Variants in DENND1A observed in about 807,000 individuals in gnomAD.
The protein encoded by DENND1A is DENN domain-containing protein 1A.
A neutral mutation model predicts 113.7 loss-of-function variants in DENND1A; 51 were observed. The ratio of observed to expected loss-of-function variants is 0.45; its 90% CI spans 0.36 to 0.57. The LOEUF is 0.57. Ranked by LOEUF, DENND1A falls within the 20% of genes least tolerant of loss-of-function variation. The pLI, the probability that DENND1A is intolerant of heterozygous loss-of-function variation, is 0.00. For synonymous variants in DENND1A, 565 were observed against 570.8 expected (o/e 0.99, Z 0.14); for missense variants, 1,258 against 1,395.9 (o/e 0.90, Z 1.57).
At chr9:123,808,318 C>G (rs1424443609) in intron 2 of DENND1A, among the ~76,000 whole-genome samples, 1 of 151,790 alleles carries the variant, frequency 6.6e-6, no homozygotes, top group East Asian at 1.9e-4. Context: ...TAGCATGCAT[C>G]AAAGTCACCT....
At chr9:123,733,050 C>T (rs770187524) in intron 5 of DENND1A, among the ~76,000 whole-genome samples, 1 of 147,954 alleles carries the variant, frequency 6.8e-6, no homozygotes, top group Admixed American at 6.7e-5. Context: ...GGCGCGATCT[C>T]GGCTCACCGC....
chr9:123,841,847 C>T (rs1841886572), intron 2 of DENND1A, among the ~76,000 whole-genome samples: 1 of 151,986 alleles, frequency 6.6e-6, no homozygotes, highest in South Asian at 2.1e-4. Flanking sequence ...GGCAGGTGAC[C>T]AGGATGAAGG....
chr9:123,495,492 C>T (rs1410264934), intron 13 of DENND1A, among the ~76,000 whole-genome samples: 1 of 152,136 alleles, frequency 6.6e-6, no homozygotes, highest in Non-Finnish European at 1.5e-5. Flanking sequence ...TACAAATGGC[C>T]ACTTTCTCCA....
At chr9:123,749,576 C>T (rs1288989885) in intron 5 of DENND1A, among the ~76,000 whole-genome samples, 1 of 152,180 alleles carries the variant, frequency 6.6e-6, no homozygotes, top group Admixed American at 6.5e-5. Context: ...ATGAAAATTA[C>T]ATAAACCAGC....
chr9:123,783,509 G>T (rs906126309), intron 3 of DENND1A, among the ~76,000 whole-genome samples: 3 of 152,164 alleles, frequency 2.0e-5, no homozygotes, highest in Admixed American at 6.5e-5. Context: ...ATAATTATTG[G>T]TTATGATTTG....
At chr9:123,495,844 C>T (rs1298206613) in intron 13 of DENND1A, among the ~76,000 whole-genome samples, 9 of 152,214 alleles carry the variant, frequency 5.9e-5, no homozygotes, top group Admixed American at 5.9e-4. Flanking sequence ...AATAAGGGCA[C>T]CATTGTTCCT....
intron 20 of DENND1A, among the ~76,000 whole-genome samples, chr9:123,409,290 T>A (rs1274230355): frequency 6.6e-6 from 1 of 151,722 alleles, no homozygotes; most frequent in Non-Finnish European, 1.5e-5. Context: ...CTTGACTGAA[T>A]TTTTTTTCTT....
At chr9:123,845,670 C>CAAAAAAAAAAAAAAAAAAAAAAAAAAAA (rs555731367) in intron 2 of DENND1A, among the ~76,000 whole-genome samples, 6 of 44,094 alleles carry the variant, frequency 1.4e-4, no homozygotes, top group African/African-American at 2.3e-4. Flanking sequence ...AACCTGTCTC[C>CAAAAAAAAAAAAAAAAAAAAAAAAAAAA]AAAAAAAAAA....
intron 1 of DENND1A, among the ~76,000 whole-genome samples, chr9:123,879,289 T>C (rs527249508): frequency 6.6e-6 from 1 of 152,210 alleles, no homozygotes; most frequent in Admixed American, 6.5e-5. Context: ...TCCCAGCACT[T>C]TGGGAGGCCA....
At chr9:123,847,618 C>G (rs1322536949) in intron 2 of DENND1A, among the ~76,000 whole-genome samples, 1 of 152,138 alleles carries the variant, frequency 6.6e-6, no homozygotes, top group African/African-American at 2.4e-5. Context: ...TGAAAAAACT[C>G]TGAGATGCAA....
intron 13 of DENND1A, among the ~76,000 whole-genome samples, chr9:123,541,266 C>A (rs185145608): frequency 6.6e-6 from 1 of 152,170 alleles, no homozygotes; most frequent in Non-Finnish European, 1.5e-5. Context: ...GGGGATAATA[C>A]TGTGTACATT....
rs143770226 is a variant in DENND1A at position 123,718,084 on chromosome 9, C to T, written c.302+39619G>A. ...CTGTCAGCAAATTGGGAAATGGCCT[C>T]CATCCTGACAGATACATTTTGTAAA... On this transcript the variant is annotated intron_variant, in intron 5 of 23. Coordinates refer to ENST00000394215, the MANE Select transcript of DENND1A (RefSeq NM_001352964.2). 9.9e-3 allele frequency among the ~76,000 whole-genome samples: 1,508 copies of T among 152,296 alleles called. 27 individuals are homozygous for T. Among genetic ancestry groups the T allele is most frequent in the Non-Finnish European group, 0.011 (766 of 68,024 alleles).
chr9:123,820,918 T>C (rs1396883572), intron 2 of DENND1A, among the ~76,000 whole-genome samples: 1 of 152,246 alleles, frequency 6.6e-6, no homozygotes, highest in Non-Finnish European at 1.5e-5. Context: ...CTTTCTTTTC[T>C]GTCTTACCTT....
chr9:123,632,411 A>G (rs1030977296), intron 9 of DENND1A, among the ~76,000 whole-genome samples: 2 of 152,204 alleles, frequency 1.3e-5, no homozygotes, highest in African/African-American at 4.8e-5. Flanking sequence ...ACACATATAT[A>G]AAACTAATCC....
intron 11 of DENND1A, among the ~76,000 whole-genome samples, chr9:123,583,726 G>A (rs1014877673): frequency 6.6e-6 from 1 of 152,098 alleles, no homozygotes; most frequent in Non-Finnish European, 1.5e-5. Flanking sequence ...GTCATTCTTG[G>A]GTATGGAATA....
At chr9:123,681,770 G>C (rs1475206725) in intron 5 of DENND1A, among the ~76,000 whole-genome samples, 1 of 152,142 alleles carries the variant, frequency 6.6e-6, no homozygotes, top group Non-Finnish European at 1.5e-5. Flanking sequence ...GAGAAGGCCT[G>C]GAAGCAGAGA....
At chr9:123,468,859 G>C (rs2049166906) in intron 13 of DENND1A, among the ~76,000 whole-genome samples, 2 of 152,250 alleles carry the variant, frequency 1.3e-5, no homozygotes, top group African/African-American at 4.8e-5. Flanking sequence ...TTTGGGACCA[G>C]ATGACCTGCA....
intron 12 of DENND1A, among the ~76,000 whole-genome samples, chr9:123,559,498 G>A (rs1256852247): frequency 6.6e-6 from 1 of 152,060 alleles, no homozygotes; most frequent in African/African-American, 2.4e-5. Flanking sequence ...AGGATCCACA[G>A]CTTTCCTCAG....
At chr9:123,738,049 GC>G (rs2068702413) in intron 5 of DENND1A, among the ~76,000 whole-genome samples, 1 of 152,138 alleles carries the variant, frequency 6.6e-6, no homozygotes, top group African/African-American at 2.4e-5. Context: ...TAAGAGAAAC[GC>G]TATCCTGAAT....
Sources: allele counts gnomAD v4.1 joint callset (sites outside exome capture counted in the v4.1 genomes callset), GRCh38; gene constraint gnomAD v4.1.1; transcripts MANE v1.5; gene names NCBI Gene and HGNC (gene_info 2026-07-23, HGNC 2026-07-21).